Variants in TOPAZ1 observed in about 807,000 individuals in gnomAD.
TOPAZ1 encodes the protein protein TOPAZ1.
In TOPAZ1, 66 loss-of-function variants were observed where a neutral mutation model predicts 172.2. The ratio of observed to expected loss-of-function variants is 0.38; its 90% confidence interval spans 0.31 to 0.47. The LOEUF is 0.47. TOPAZ1 is among the 20% of genes least tolerant of loss of function. The pLI is 0.99. For missense variants in TOPAZ1, 1,822 were observed against 1,972.4 expected (o/e 0.92, Z 1.44); for synonymous variants, 681 against 683.9 (o/e 1.00, Z 0.07).
intron 16 of TOPAZ1, among the ~76,000 whole-genome samples, chr3:44,314,394 A>G (rs781151118): frequency 1.3e-5 from 2 of 152,134 alleles, no homozygotes; most frequent in African/African-American, 4.8e-5. Context: ...TGCTAAGTGT[A>G]TTATTTGTGT....
At chr3:44,320,841 C>G (rs1267978796) in intron 16 of TOPAZ1, among the ~76,000 whole-genome samples, 186 bp from the exon 17 acceptor site, 2 of 152,122 alleles carry the variant, frequency 1.3e-5, no homozygotes, top group Non-Finnish European at 2.9e-5. Context: ...TTTGCATCTT[C>G]TTCAGATGAT....
chr3:44,297,743 C>A (rs1700215481), intron 12 of TOPAZ1, among the ~76,000 whole-genome samples: 1 of 114,640 alleles, frequency 8.7e-6, no homozygotes. Context: ...AGGAATGTAC[C>A]AAAATTTAAA....
chr3:44,320,335 T>C (rs1360550410), intron 16 of TOPAZ1, among the ~76,000 whole-genome samples: 4 of 152,324 alleles, frequency 2.6e-5, no homozygotes, highest in East Asian at 1.9e-4. Flanking sequence ...CAGTGGCTCA[T>C]GCCTGTAATC....
intron 8 of TOPAZ1, among the ~76,000 whole-genome samples, chr3:44,272,998 A>G (rs1211486682): frequency 1.3e-5 from 2 of 152,128 alleles, no homozygotes; most frequent in African/African-American, 2.4e-5. Context: ...GTCAAAACTC[A>G]ATCTTAAACA....
intron 8 of TOPAZ1, among the ~76,000 whole-genome samples, chr3:44,272,038 A>G (rs185847714): frequency 6.0e-4 from 92 of 152,216 alleles, no homozygotes; most frequent in Middle Eastern, 3.4e-3. Context: ...TTCAGTTAGC[A>G]TGTTCTCCAG....
chr3:44,328,228 G>A, intron 18 of TOPAZ1, 22 bp from the exon 19 acceptor site: 1 of 1,446,770 alleles, frequency 6.9e-7, no homozygotes, highest in Non-Finnish European at 9.1e-7. Flanking sequence ...AGTAAAGTTT[G>A]ACCTATTATT....
chr3:44,295,195 C>T (rs937341489), intron 12 of TOPAZ1, among the ~76,000 whole-genome samples: 4 of 151,976 alleles, frequency 2.6e-5, no homozygotes, highest in African/African-American at 7.2e-5. Context: ...CTCAGCAATC[C>T]CAATTCTACA....
chr3:44,312,735 A>G (rs148254860), intron 16 of TOPAZ1, among the ~76,000 whole-genome samples: 1,607 of 152,326 alleles, frequency 0.011, 30 homozygotes, highest in African/African-American at 0.036. Context: ...TAAGACTATC[A>G]TTTTATAATC....
At chr3:44,269,957 A>G (rs983828994) in intron 7 of TOPAZ1, among the ~76,000 whole-genome samples, 1 of 152,110 alleles carries the variant, frequency 6.6e-6, no homozygotes, top group South Asian at 2.1e-4. Context: ...CAGATATTAT[A>G]TGGATTTTGA....
At chr3:44,284,574 G>T (rs955940877) in intron 9 of TOPAZ1, among the ~76,000 whole-genome samples, 1 of 152,128 alleles carries the variant, frequency 6.6e-6, no homozygotes, top group Admixed American at 6.5e-5. Context: ...ATGTTGCCAT[G>T]AACTTTGACA....
At chr3:44,297,971 T>G (rs1408148982) in intron 12 of TOPAZ1, among the ~76,000 whole-genome samples, 1 of 152,080 alleles carries the variant, frequency 6.6e-6, no homozygotes, top group African/African-American at 2.4e-5. Context: ...TAAAAGAAAT[T>G]GAAAGATTAA....
intron 12 of TOPAZ1, among the ~76,000 whole-genome samples, chr3:44,291,401 G>A (rs1170550976): frequency 6.6e-6 from 1 of 150,808 alleles, no homozygotes. Context: ...AGGAGTTCAA[G>A]ACCATCCTGA....
rs1040555720 is a variant in TOPAZ1 at position 44,270,886 on chromosome 3, A to G, written c.3372+76A>G. Reference sequence around the variant, plus strand: ...GTCATGCATTTTAATTTAGATTTTCATTGACTCCTAATAGCATAGATGTGA... The same window carrying G: ...GTCATGCATTTTAATTTAGATTTTCGTTGACTCCTAATAGCATAGATGTGA... On this transcript the variant is annotated intron_variant, in intron 8 of 19. Coordinates refer to ENST00000309765, the MANE Select transcript of TOPAZ1 (RefSeq NM_001145030.2). The G allele has an allele frequency of 3.0e-6, 4 of 1,351,510 alleles. No individual in the cohort carries two copies. The African/African-American group carries it at 4.4e-5, about 15-fold the overall frequency. The allele number at this position is 1,351,510 out of a possible 1,614,324, so 83.7% of individuals were successfully genotyped here. A position where few individuals can be genotyped will look rare whatever the true frequency, so the allele number is the denominator to read the frequency against.
chr3:44,242,285 G>A lies in TOPAZ1; in HGVS notation c.232G>A (p.Ala78Thr), dbSNP rs372299173. 287 of 1,551,004 alleles carry A rather than the reference G, an allele frequency of 1.9e-4. No homozygotes were observed. The highest frequency in any genetic ancestry group is 2.3e-4 in the Non-Finnish European group (265 of 1,146,786). ...TGCAGCATCAGGGGCTGGAAAGGCC[G>A]CAAGGCGTCAGGTGGAGGGGCGCAG... ...SVAASGAGKA[A>T]RRQVEGRRGP... The change falls in exon 1 of 20, where the codon GCA (alanine) becomes ACA (threonine). Residue 78 changes from alanine (A) to threonine (T), a missense_variant. By Grantham distance (58) the Ala-to-Thr change is moderately conservative. Around this residue, in one of 2 missense-constraint regions of TOPAZ1, gnomAD observed 1,489 missense variants for 1,490.8 expected, o/e 1.00. Transcript: ENST00000309765.
At chr3:44,257,352 G>GGGGTGTGTGT (rs1264696203) in intron 4 of TOPAZ1, among the ~76,000 whole-genome samples, 82 of 110,398 alleles carry the variant, frequency 7.4e-4, no homozygotes, top group African/African-American at 1.6e-3. Context: ...AAAACATAGG[G>GGGGTGTGTGT]GTGTGTGTGT....
At chr3:44,317,977 T>C (rs188293097) in intron 16 of TOPAZ1, among the ~76,000 whole-genome samples, 1 of 152,210 alleles carries the variant, frequency 6.6e-6, no homozygotes, top group Non-Finnish European at 1.5e-5. Flanking sequence ...CTCAGATTTT[T>C]TTTCTTCTTA....
intron 4 of TOPAZ1, among the ~76,000 whole-genome samples, chr3:44,257,429 A>G (rs1248934584): frequency 1.5e-5 from 2 of 130,510 alleles, no homozygotes; most frequent in South Asian, 2.3e-4. Flanking sequence ...TATTTTATAT[A>G]TATATAAAAT....
chr3:44,287,426 A>T lies in TOPAZ1; in HGVS notation c.3474A>T (p.Pro1158=). The change falls in exon 10 of 20, where the codon CCA becomes CCT. Residue 1158 remains proline (P), a synonymous_variant. Coordinates refer to ENST00000309765, the MANE Select transcript of TOPAZ1 (RefSeq NM_001145030.2). The stretch of plus-strand genomic sequence containing the variant: ...TGGAGTACTACAGAAAGTTTCCCCC[A>T]GGTGTATACTTTGATTTACAAGTGC... ...IFMEYYRKFP[P]GVYFDLQVLN... 6.6e-7 allele frequency: 1 copy of T among 1,513,606 alleles called. No homozygotes were observed. The highest frequency in any genetic ancestry group is 8.9e-7 in the Non-Finnish European group (1 of 1,128,510). The allele number at this position is 1,513,606 out of a possible 1,614,324, so 93.8% of individuals were successfully genotyped here. A position where few individuals can be genotyped will look rare whatever the true frequency, so the allele number is the denominator to read the frequency against.
chr3:44,336,534 A>G (rs559422461), downstream of TOPAZ1, among the ~76,000 whole-genome samples: 6 of 152,320 alleles, frequency 3.9e-5, no homozygotes, highest in African/African-American at 1.2e-4. Flanking sequence ...TCAAGGCCCC[A>G]TCTAGAGGAT....
Sources: gnomAD v4.1 joint callset for allele counts (sites outside exome capture counted in the v4.1 genomes callset) on GRCh38, gnomAD v4.1.1 for gene constraint, gnomAD v4.1.1 regional missense constraint, MANE v1.5 for transcripts, NCBI Gene and HGNC (gene_info 2026-07-23, HGNC 2026-07-21) for gene names.